The following PTGDR variants were observed in gnomAD, a reference collection of about 807,000 sequenced individuals.
The protein encoded by PTGDR is PGD2 receptor.
PTGDR carries 19 observed loss-of-function variants against 17.4 expected under a neutral mutation model. The observed-to-expected ratio is 1.09, with a 90% CI of 0.76 to 1.60. The LOEUF is 1.60. Among genes scored for constraint, PTGDR ranks in the 40% most tolerant of loss-of-function variants. PTGDR has a pLI of 0.00. For missense variants in PTGDR, 526 were observed against 481.9 expected (o/e 1.09, Z -0.86); for synonymous variants, 267 against 224.2 (o/e 1.19, Z -1.71).
chr14:52,268,542 G>A lies in PTGDR; in HGVS notation c.728G>A (p.Cys243Tyr). The stretch of plus-strand genomic sequence containing the variant: ...CACCCGCGCTCCTGCACCAGGGACT[G>A]TGCCGAGCCGCGCGCGGACGGGAGG... The part of the protein sequence containing the change: ...QRHPRSCTRD[C>Y]AEPRADGREA... Residue 243 changes from cysteine (C) to tyrosine (Y), a missense_variant, in exon 1 of 2, where the codon TGT (cysteine) becomes TAT (tyrosine). Physicochemically the swap from Cys to Tyr is radical, Grantham distance 194. Transcript: ENST00000306051. The A allele has an allele frequency of 1.2e-6, 2 of 1,612,438 alleles. No individual in the cohort carries two copies. The highest frequency in any genetic ancestry group is 1.7e-6 in the Non-Finnish European group (2 of 1,179,590).
rs1042205860 is a variant in PTGDR at position 52,276,387 on chromosome 14, G to A, written c.*1423G>A. On this transcript the variant is annotated 3_prime_UTR_variant, in exon 2 of 2. Coordinates refer to ENST00000306051, the MANE Select transcript of PTGDR (RefSeq NM_000953.3). ...TACTCATGTTTATTTATTTCCAACT[G>A]AGCAGCAACCTCCTTTGTTTCACTT... is the stretch of plus-strand genomic sequence containing the variant. The A allele has an allele frequency of 3.3e-5, 5 of 152,148 alleles. No homozygotes were observed. The highest frequency in any genetic ancestry group is 9.7e-5 in the African/African-American group (4 of 41,420). The allele number at this position is 152,148 out of a possible 1,614,324, so 9.4% of individuals were successfully genotyped here.
Position 52,268,348 on chromosome 14 carries a change from C to T in PTGDR, c.534C>T (p.Cys178=). 2 of 1,613,468 alleles carry T rather than the reference C, an allele frequency of 1.2e-6. No individual in the cohort carries two copies. Among genetic ancestry groups the T allele is most frequent in the Admixed American group, 1.7e-5 (1 of 60,032 alleles). Residue 178 remains cysteine (C), a synonymous_variant, in exon 1 of 2, where the codon TGC becomes TGT. Coordinates refer to ENST00000306051, the MANE Select transcript of PTGDR (RefSeq NM_000953.3). ...GCTTCGGGAAGTTCGTGCAGTACTG[C>T]CCCGGCACCTGGTGCTTTATCCAGA... is the stretch of plus-strand genomic sequence containing the variant. ...FMGFGKFVQY[C]PGTWCFIQMV...
chr14:52,269,634 A>C (rs1000661694), intron 1 of PTGDR: 1 of 1,061,424 alleles, frequency 9.4e-7, no homozygotes, highest in Non-Finnish European at 1.3e-6. Context: ...GAAAGTTGTT[A>C]AATTTCTTCT....
intron 1 of PTGDR, among the ~76,000 whole-genome samples, chr14:52,268,874 G>A (rs913490830): frequency 2.0e-5 from 3 of 152,166 alleles, no homozygotes; most frequent in African/African-American, 7.2e-5. Context: ...GTTAGAGAAA[G>A]GAAGGGAAAG....
downstream of PTGDR, among the ~76,000 whole-genome samples, chr14:52,277,576 C>T (rs41315122): frequency 2.6e-5 from 4 of 152,108 alleles, no homozygotes; most frequent in African/African-American, 9.7e-5. Context: ...ATGTGTATAC[C>T]CTTTCTTGAT....
chr14:52,273,615 G>C (rs1383247915), intron 1 of PTGDR, among the ~76,000 whole-genome samples: 1 of 152,188 alleles, frequency 6.6e-6, no homozygotes, highest in Non-Finnish European at 1.5e-5. Context: ...AAATGCACTA[G>C]ATTGGAGTGG....
chr14:52,274,986 A>T lies in PTGDR; in HGVS notation c.*22A>T. On this transcript the variant is annotated 3_prime_UTR_variant, in exon 2 of 2. Transcript: ENST00000306051. ...GTGACAGTGTTTTTCACTCTGTGGT[A>T]AGCTGAGGAATATGTCACATTTTCA... is the stretch of plus-strand genomic sequence containing the variant. 1.4e-6 allele frequency: 2 copies of T among 1,464,356 alleles called. No individual in the cohort carries two copies. The highest frequency in any genetic ancestry group is 1.7e-4 in the Middle Eastern group (1 of 5,720). 90.7% of individuals were successfully genotyped at this position (1,464,356 alleles called of 1,614,324 possible).
At position 52,275,689 on chromosome 14, in the gene PTGDR, T is replaced by C. The variant is rs2033411500; in HGVS notation, c.*725T>C. Reference sequence around the variant, plus strand: ...GAAATCCAGTTTCTTTTGTATTGAGTCAAGGGTGTCAGTAGGAATCAAAAG... The same window carrying C: ...GAAATCCAGTTTCTTTTGTATTGAGCCAAGGGTGTCAGTAGGAATCAAAAG... On this transcript the variant is annotated 3_prime_UTR_variant, in exon 2 of 2. Transcript: ENST00000306051. 1 of 152,462 alleles carries C rather than the reference T, an allele frequency of 6.6e-6. No individual in the cohort carries two copies. The highest frequency in any genetic ancestry group is 2.4e-5 in the African/African-American group (1 of 41,456). The allele number at this position is 152,462 out of a possible 1,614,324, so 9.4% of individuals were successfully genotyped here. A position where few individuals can be genotyped will look rare whatever the true frequency, so the allele number is the denominator to read the frequency against.
At position 52,273,917 on chromosome 14, in the gene PTGDR, G is replaced by C. The variant is rs1393064467; in HGVS notation, c.847-814G>C. Among the ~76,000 whole-genome samples, 4 of 152,282 alleles carry C rather than the reference G, an allele frequency of 2.6e-5. No homozygotes were observed. The South Asian group carries it at 8.3e-4, about 32-fold the overall frequency. The stretch of plus-strand genomic sequence containing the variant: ...TGGTTGTGCTGATCTAGAGATCAGT[G>C]TTGGCTGAATGGGAGGAAAAGCTGT... On this transcript the variant is annotated intron_variant, in intron 1 of 1. Coordinates refer to ENST00000306051, the MANE Select transcript of PTGDR (RefSeq NM_000953.3).
intron 1 of PTGDR, among the ~76,000 whole-genome samples, chr14:52,269,972 T>C (rs1190359402): frequency 6.6e-6 from 1 of 152,186 alleles, no homozygotes; most frequent in Admixed American, 6.5e-5. Flanking sequence ...TTTTCATTCT[T>C]AACAAGTTCC....
At position 52,274,914 on chromosome 14, in the gene PTGDR, A is replaced by G. The variant is rs1269200937; in HGVS notation, c.1030A>G (p.Arg344Gly). The G allele has an allele frequency of 6.2e-7, 1 of 1,605,132 alleles. No individual in the cohort carries two copies. The highest frequency in any genetic ancestry group is 8.5e-7 in the Non-Finnish European group (1 of 1,171,928). ...FFHKIFIRPL[R>G]YRSRCSNSTN... ...TCACAAGATTTTCATTAGACCTCTT[A>G]GGTACAGGAGCCGGTGCAGCAATTC... Residue 344 changes from arginine (R) to glycine (G), a missense_variant, in exon 2 of 2, where the codon AGG becomes GGG. Arg to Gly is a moderately radical substitution (Grantham distance 125). Transcript: ENST00000306051.
chr14:52,274,245 C>T (rs1408211670), intron 1 of PTGDR, among the ~76,000 whole-genome samples: 1 of 152,114 alleles, frequency 6.6e-6, no homozygotes, highest in African/African-American at 2.4e-5. Context: ...ATTGGTGTCT[C>T]CATACATATG....
intron 1 of PTGDR, among the ~76,000 whole-genome samples, chr14:52,271,172 A>G (rs981243777): frequency 6.6e-6 from 1 of 152,226 alleles, no homozygotes; most frequent in Non-Finnish European, 1.5e-5. Flanking sequence ...TTGAAATTAC[A>G]TACATAATAT....
chr14:52,268,467 A>G lies in PTGDR; in HGVS notation c.653A>G (p.Asn218Ser). The G allele has an allele frequency of 6.2e-7, 1 of 1,610,062 alleles. No individual in the cohort carries two copies. The highest frequency in any genetic ancestry group is 8.5e-7 in the Non-Finnish European group (1 of 1,179,972). Residue 218 changes from asparagine (N) to serine (S), a missense_variant, in exon 1 of 2, where the codon AAC becomes AGC. Coordinates refer to ENST00000306051, the MANE Select transcript of PTGDR (RefSeq NM_000953.3). ...CTGGTCCTCGCCACCGTGCTGTGCA[A>G]CCTCGGCGCCATGCGCAACCTCTAT... ...ALLVLATVLCNLGAMRNLYAM... is the reference protein window; with the variant it reads ...ALLVLATVLCSLGAMRNLYAM...
chr14:52,279,103 G>A (rs1594623646), downstream of PTGDR, among the ~76,000 whole-genome samples: 3 of 152,128 alleles, frequency 2.0e-5, no homozygotes, highest in South Asian at 6.2e-4. Flanking sequence ...CTGTAGAAGA[G>A]CTATAAATAT....
At chr14:52,268,995 AG>A (rs1289704603) in intron 1 of PTGDR, among the ~76,000 whole-genome samples, 1 of 152,088 alleles carries the variant, frequency 6.6e-6, no homozygotes, top group Non-Finnish European at 1.5e-5. Flanking sequence ...GCGCCTTAGG[AG>A]GAGCAGAACT....
At chr14:52,280,108 C>T (rs901410894), downstream of PTGDR, among the ~76,000 whole-genome samples, 13 of 151,922 alleles carry the variant, frequency 8.6e-5, no homozygotes, top group Admixed American at 5.9e-4. Context: ...CAATAAAGCC[C>T]CAAATCAGCG....
At chr14:52,273,332 T>C (rs1025816420) in intron 1 of PTGDR, among the ~76,000 whole-genome samples, 3 of 152,212 alleles carry the variant, frequency 2.0e-5, no homozygotes, top group Non-Finnish European at 2.9e-5. Context: ...GTTATATGCC[T>C]TAGAGAATGC....
Position 52,268,708 on chromosome 14 carries a change from G to A in PTGDR, c.846+48G>A, listed in dbSNP as rs1330148300. 19 of 1,510,088 alleles carry A rather than the reference G, an allele frequency of 1.3e-5. No homozygotes were observed. In the South Asian group the frequency reaches 2.5e-4, roughly 20 times the overall value. The allele number at this position is 1,510,088 out of a possible 1,614,324, so 93.5% of individuals were successfully genotyped here. Reference sequence around the variant, plus strand: ...AGCAGGGCACTGAGACTGTCCGGCCGCGGATGCGGGGCGGGAAGGGTGGAG... The same window carrying A: ...AGCAGGGCACTGAGACTGTCCGGCCACGGATGCGGGGCGGGAAGGGTGGAG... On this transcript the variant is annotated intron_variant, in intron 1 of 1. Coordinates refer to ENST00000306051, the MANE Select transcript of PTGDR (RefSeq NM_000953.3).
Sources: gnomAD v4.1 joint callset for allele counts (sites outside exome capture counted in the v4.1 genomes callset) on GRCh38, gnomAD v4.1.1 for gene constraint, MANE v1.5 for transcripts, NCBI Gene and HGNC (gene_info 2026-07-23, HGNC 2026-07-21) for gene names.